Variants in SUGCT observed in about 807,000 individuals in gnomAD.
SUGCT encodes succinyl-CoA:glutarate CoA-transferase.
Under a neutral mutation model 55.0 loss-of-function variants are expected in SUGCT, and 41 were observed. The observed-to-expected ratio is 0.74, with a 90% confidence interval of 0.58 to 0.97. SUGCT has a LOEUF of 0.97. Ranked by LOEUF, SUGCT falls within the 50% of genes least tolerant of loss-of-function variation. The pLI is 0.00. For synonymous variants in SUGCT, 187 were observed against 200.4 expected, an observed-to-expected ratio of 0.93 and a Z score of 0.56; for missense variants, 568 against 547.8, an observed-to-expected ratio of 1.04 and a Z score of -0.37.
chr7:40,224,768 T>C (rs1765456311), intron 6 of SUGCT, among the ~76,000 whole-genome samples: 2 of 152,238 alleles, frequency 1.3e-5, no homozygotes, highest in African/African-American at 4.8e-5. Context: ...TGTCCCAGTG[T>C]TCCAGCTATT....
chr7:40,400,791 A>G (rs556371034), intron 9 of SUGCT, among the ~76,000 whole-genome samples: 1 of 152,302 alleles, frequency 6.6e-6, no homozygotes, highest in African/African-American at 2.4e-5. Flanking sequence ...ACCTACTTTC[A>G]GGGTCCTTCG....
At chr7:40,247,884 ATTAG>A (rs1562610170) in intron 7 of SUGCT, among the ~76,000 whole-genome samples, 3 of 152,154 alleles carry the variant, frequency 2.0e-5, no homozygotes, top group East Asian at 3.9e-4. Context: ...TTTAAGTCAA[ATTAG>A]TTAATTTATT....
chr7:40,772,543 T>TATCTATCTATCTATC (rs1554418073), intron 13 of SUGCT, among the ~76,000 whole-genome samples: 40 of 150,326 alleles, frequency 2.7e-4, no homozygotes, highest in Non-Finnish European at 3.4e-4. Context: ...TCTATCTATC[T>TATCTATCTATCTATC]ATCTATCTAT....
At chr7:40,487,078 CTT>C (rs745766266) in intron 11 of SUGCT, among the ~76,000 whole-genome samples, 9 of 93,900 alleles carry the variant, frequency 9.6e-5, no homozygotes, top group East Asian at 5.5e-4. Flanking sequence ...TGATTTCAAT[CTT>C]TTTTTTTTTT....
chr7:40,292,724 C>T (rs1002929574), intron 8 of SUGCT, among the ~76,000 whole-genome samples: 26 of 152,032 alleles, frequency 1.7e-4, no homozygotes, highest in African/African-American at 6.3e-4. Context: ...GTTTCTGGTG[C>T]GGTATAGTCA....
At chr7:40,687,507 G>A (rs1461631397) in intron 12 of SUGCT, among the ~76,000 whole-genome samples, 2 of 151,986 alleles carry the variant, frequency 1.3e-5, no homozygotes, top group Non-Finnish European at 1.5e-5. Flanking sequence ...TTTTTCTAAT[G>A]GCCATTTGGT....
the SUGCT span, chr7:40,967,031 T>C: frequency 3.3e-5 from 5 of 152,220 alleles, no homozygotes; most frequent in Non-Finnish European, 7.3e-5. Context: ...AATTTGATGC[T>C]TACCATCATG....
intron 9 of SUGCT, among the ~76,000 whole-genome samples, chr7:40,383,530 A>G (rs1784973015): frequency 6.6e-6 from 1 of 152,208 alleles, no homozygotes; most frequent in Non-Finnish European, 1.5e-5. Context: ...GTGAAAGATG[A>G]GGAGGTAAAT....
intron 8 of SUGCT, among the ~76,000 whole-genome samples, chr7:40,299,100 G>A (rs529161165): frequency 3.4e-4 from 52 of 152,272 alleles, no homozygotes; most frequent in South Asian, 6.2e-4. Flanking sequence ...CAAGCACAGT[G>A]ACTTGATTTT....
Position 40,222,053 on chromosome 7 carries a change from G to C in SUGCT, c.485-15582G>C, listed in dbSNP as rs565575465. Among the ~76,000 whole-genome samples, 3 of 152,378 alleles carry C rather than the reference G, an allele frequency of 2.0e-5. No homozygotes were observed. In the South Asian group the frequency reaches 6.2e-4, roughly 32 times the overall value. Reference sequence around the variant, plus strand: ...ATATTTCCTGTGGATTGGGGTAAGAGAGAGAAGAACATTGTGTGCTGGTTT... The same window carrying C: ...ATATTTCCTGTGGATTGGGGTAAGACAGAGAAGAACATTGTGTGCTGGTTT... On this transcript the variant is annotated intron_variant, in intron 6 of 13. Coordinates refer to ENST00000335693, the MANE Select transcript of SUGCT (RefSeq NM_001193313.2).
chr7:41,004,534 T>C, the SUGCT span, among the ~76,000 whole-genome samples: 1 of 152,188 alleles, frequency 6.6e-6, no homozygotes, highest in Non-Finnish European at 1.5e-5. Context: ...GCCAGCATCA[T>C]ATGCAGACAT....
intron 12 of SUGCT, among the ~76,000 whole-genome samples, chr7:40,714,025 A>G (rs1429433781): frequency 6.6e-6 from 1 of 152,222 alleles, no homozygotes; most frequent in Non-Finnish European, 1.5e-5. Context: ...ATTAGCTAAT[A>G]TTAATCATTG....
chr7:40,656,380 ATAG>A (rs1288730135), intron 12 of SUGCT, among the ~76,000 whole-genome samples: 1 of 152,140 alleles, frequency 6.6e-6, no homozygotes, highest in East Asian at 1.9e-4. Context: ...ATTTGTGGAT[ATAG>A]TACTAATAAT....
At chr7:40,856,333 C>G (rs1794168039) in intron 13 of SUGCT, among the ~76,000 whole-genome samples, 1 of 152,140 alleles carries the variant, frequency 6.6e-6, no homozygotes, top group Non-Finnish European at 1.5e-5. Context: ...TATATATACT[C>G]AAAGCCAAAA....
intron 12 of SUGCT, among the ~76,000 whole-genome samples, chr7:40,722,927 A>G (rs1786422181): frequency 6.6e-6 from 1 of 152,164 alleles, no homozygotes. Context: ...CTCTCAAGTT[A>G]TGTTTGCCAT....
intron 12 of SUGCT, among the ~76,000 whole-genome samples, chr7:40,613,479 T>C (rs965565666): frequency 2.6e-5 from 4 of 152,216 alleles, no homozygotes; most frequent in Admixed American, 6.5e-5. Flanking sequence ...ATAAAGAGCA[T>C]AGGCAGTGGC....
At chr7:40,745,893 T>C (rs1482802978) in intron 12 of SUGCT, among the ~76,000 whole-genome samples, 2 of 152,174 alleles carry the variant, frequency 1.3e-5, no homozygotes, top group Non-Finnish European at 2.9e-5. Context: ...TAAGGGAAAT[T>C]ATAGCAGTTA....
intron 13 of SUGCT, among the ~76,000 whole-genome samples, chr7:40,770,230 T>C (rs1199150035): frequency 6.6e-6 from 1 of 152,190 alleles, no homozygotes; most frequent in Non-Finnish European, 1.5e-5. Context: ...TAACTTCTAT[T>C]CTGCTGCATC....
In SUGCT at chr7:40,427,844, A is replaced by T. The variant is rs896616394; in HGVS notation, c.817-21443A>T. On this transcript the variant is annotated intron_variant, in intron 9 of 13. Coordinates refer to ENST00000335693, the MANE Select transcript of SUGCT (RefSeq NM_001193313.2). The stretch of plus-strand genomic sequence containing the variant: ...GATATTTTGTTTCATGCCCTAACAT[A>T]CTCTGGAGAATATTCCAGTGGTTCT... Among the ~76,000 whole-genome samples, 37 of 152,278 alleles carry T rather than the reference A, an allele frequency of 2.4e-4. 1 individual carries two copies. Among genetic ancestry groups the T allele is most frequent in the African/African-American group, 8.7e-4 (36 of 41,566 alleles).
Sources: gnomAD v4.1 joint callset for allele counts (sites outside exome capture counted in the v4.1 genomes callset) on GRCh38, gnomAD v4.1.1 for gene constraint, MANE v1.5 for transcripts, NCBI Gene and HGNC (gene_info 2026-07-23, HGNC 2026-07-21) for gene names.